Variants in PTK6 observed in about 807,000 individuals in gnomAD.
The protein encoded by PTK6 is protein-tyrosine kinase 6.
Under a neutral mutation model 47.5 loss-of-function variants are expected in PTK6, and 47 were observed. The ratio of observed to expected loss-of-function variants is 0.99; its 90% CI spans 0.78 to 1.26. PTK6 has a LOEUF of 1.26. PTK6 is among the 50% of genes most tolerant of loss of function. PTK6 has a pLI of 0.00. For synonymous variants in PTK6, 287 were observed against 276.5 expected (o/e 1.04, Z -0.38); for missense variants, 618 against 625.3 (o/e 0.99, Z 0.12).
intron 5 of PTK6, among the ~76,000 whole-genome samples, chr20:63,531,453 T>A (rs2082620051): frequency 2.5e-5 from 3 of 120,402 alleles, no homozygotes; most frequent in East Asian, 2.3e-4. Context: ...TATATATATA[T>A]ATATATATAT....
chr20:63,537,355 T>C lies in PTK6; in HGVS notation c.-41A>G, dbSNP rs773974878. 1.3e-6 allele frequency: 2 copies of C among 1,529,244 alleles called. No individual in the cohort carries two copies. The highest frequency in any genetic ancestry group is 1.4e-5 in the African/African-American group (1 of 72,936). The allele number at this position is 1,529,244 out of a possible 1,614,324, so 94.7% of individuals were successfully genotyped here. ...CGGCAGGACCAGGCTGTGGCCCAGC[T>C]GGAGCACCCAGAGCTGGGCGTGGCA... is the stretch of plus-strand genomic sequence containing the variant. On this transcript the variant is annotated 5_prime_UTR_variant, in exon 1 of 8. Transcript: ENST00000542869.
In PTK6 at chr20:63,530,048, A is replaced by G; in HGVS notation, c.1168+30T>C. The stretch of plus-strand genomic sequence containing the variant: ...CAGGACCTCCCCCACTCTGCCTCTC[A>G]TGCCCAGTCAGGGACAGTGGGGACA... On this transcript the variant is annotated intron_variant, in intron 7 of 7. Transcript: ENST00000542869. This position sits in a 1 kb window ranked among gnomAD's most constrained non-coding sequence, Gnocchi z 4.1. 1 of 1,611,592 alleles carries G rather than the reference A, an allele frequency of 6.2e-7. No homozygotes were observed. The highest frequency in any genetic ancestry group is 8.5e-7 in the Non-Finnish European group (1 of 1,178,936).
chr20:63,529,685 C>A lies in PTK6; in HGVS notation c.1207G>T (p.Gly403Cys). 1 of 1,546,382 alleles carries A rather than the reference C, an allele frequency of 6.5e-7. No individual in the cohort carries two copies. Among genetic ancestry groups the A allele is most frequent in the Non-Finnish European group, 8.7e-7 (1 of 1,145,750 alleles). Residue 403 changes from glycine (G) to cysteine (C), a missense_variant, in exon 8 of 8, where the codon GGC becomes TGC. By Grantham distance (159) the Gly-to-Cys change is radical (BLOSUM62 -3). Coordinates refer to ENST00000542869, the MANE Select transcript of PTK6 (RefSeq NM_005975.4). This position sits in a 1 kb window ranked among gnomAD's most constrained non-coding sequence, Gnocchi z 5.6. ...TCCAGAGGGCAGGGCATGCGGTAGC[C>A]GGCGTCCACCCTCAGGAAGGCCTCA... Reference protein sequence around the residue: ...NHEAFLRVDAGYRMPCPLECP... With the variant: ...NHEAFLRVDACYRMPCPLECP...
At chr20:63,534,621 G>A (rs1048289348) in intron 2 of PTK6, among the ~76,000 whole-genome samples, 6 of 152,148 alleles carry the variant, frequency 3.9e-5, no homozygotes, top group African/African-American at 1.2e-4. Flanking sequence ...TCTGCGCCCC[G>A]CACACCCCAG....
chr20:63,534,347 C>T, intron 2 of PTK6, 32 bp from the exon 3 acceptor site: 1 of 1,560,540 alleles, frequency 6.4e-7, no homozygotes, highest in Non-Finnish European at 8.7e-7. Flanking sequence ...GTGTGGCCAC[C>T]CCAACTCCGA....
rs374160715 is a variant in PTK6 at position 63,529,550 on chromosome 20, C to T, written c.1342G>A (p.Glu448Lys). ...RERLSSFTSY[E>K]NPT ...TCCACAGCAGCTCAGGTCGGGTTCT[C>T]GTAGCTGGTGAAGCTGGAGAGCCTC... The change falls in exon 8 of 8, where the codon GAG becomes AAG. Residue 448 changes from glutamate to lysine, a missense_variant. Glu to Lys is a moderately conservative substitution (Grantham distance 56). Coordinates refer to ENST00000542869, the MANE Select transcript of PTK6 (RefSeq NM_005975.4). This position sits in a 1 kb window ranked among gnomAD's most constrained non-coding sequence, Gnocchi z 5.6. The T allele has an allele frequency of 1.5e-5, 23 of 1,571,118 alleles. 2 individuals are homozygous for T. The highest frequency in any genetic ancestry group is 4.0e-5 in the African/African-American group (3 of 74,090).
chr20:63,537,316 G>A lies in PTK6; in HGVS notation c.-2C>T. Reference sequence around the variant, plus strand: ...GTGAGCCTGGTCCCGGGACACCATGGCGGGCGGGCGCAGCGGCAGGACCAG... The same window carrying A: ...GTGAGCCTGGTCCCGGGACACCATGACGGGCGGGCGCAGCGGCAGGACCAG... On this transcript the variant is annotated 5_prime_UTR_variant, in exon 1 of 8. Coordinates refer to ENST00000542869, the MANE Select transcript of PTK6 (RefSeq NM_005975.4). 1 of 1,605,162 alleles carries A rather than the reference G, an allele frequency of 6.2e-7. No individual in the cohort carries two copies. Among genetic ancestry groups the A allele is most frequent in the Non-Finnish European group, 8.5e-7 (1 of 1,176,558 alleles).
In PTK6 at chr20:63,530,006, C is replaced by T. The variant is rs776575701; in HGVS notation, c.1168+72G>A. On this transcript the variant is annotated intron_variant, in intron 7 of 7. Coordinates refer to ENST00000542869, the MANE Select transcript of PTK6 (RefSeq NM_005975.4). This position sits in a 1 kb window ranked among gnomAD's most constrained non-coding sequence, Gnocchi z 4.1. Reference sequence around the variant, plus strand: ...AGCCCGTGGGGGAGGCACCCCCCAGCGTCCCTGCCGGCTACCCAGGACCTC... The same window carrying T: ...AGCCCGTGGGGGAGGCACCCCCCAGTGTCCCTGCCGGCTACCCAGGACCTC... 19 of 1,555,664 alleles carry T rather than the reference C, an allele frequency of 1.2e-5. No homozygotes were observed. Among genetic ancestry groups the T allele is most frequent in the Admixed American group, 1.2e-4 (7 of 58,276 alleles).
In PTK6 at chr20:63,533,661, G is replaced by T; in HGVS notation, c.560C>A (p.Pro187Gln). ...PLPHWDDWERPREEFTLCRKL... is the reference protein window; with the variant it reads ...PLPHWDDWERQREEFTLCRKL... Reference sequence around the variant, plus strand: ...CCTGCAGAGCGTGAACTCCTCCCTCGGCCTCTCCCAGTCATCCCAATGGGG... The same window carrying T: ...CCTGCAGAGCGTGAACTCCTCCCTCTGCCTCTCCCAGTCATCCCAATGGGG... The change falls in exon 4 of 8, where the codon CCG becomes CAG. Residue 187 changes from proline (P) to glutamine (Q), a missense_variant. Coordinates refer to ENST00000542869, the MANE Select transcript of PTK6 (RefSeq NM_005975.4). The surrounding 1 kb of genome is among the most constrained non-coding windows in gnomAD (Gnocchi z 4.0). 7 of 1,613,624 alleles carry T rather than the reference G, an allele frequency of 4.3e-6. No homozygotes were observed. Among genetic ancestry groups the T allele is most frequent in the Non-Finnish European group, 5.9e-6 (7 of 1,179,866 alleles).
chr20:63,535,158 C>G, intron 1 of PTK6, 99 bp from the exon 2 acceptor site: 3 of 1,440,602 alleles, frequency 2.1e-6, no homozygotes, highest in Non-Finnish European at 1.8e-6. Context: ...GCCGCCCTTG[C>G]CTGCCACCTC....
In PTK6 at chr20:63,530,860, C is replaced by G; in HGVS notation, c.900G>C (p.Met300Ile). ...TGTAATTCTGCGACTCCAGGTAACA[C>G]ATGCCCTCAGCCACCTGCCAGGCGA... ...LDIAWQVAEG[M>I]CYLESQNYIH... is the part of the protein sequence containing the mutation. The change falls in exon 6 of 8, where the codon ATG becomes ATC. Residue 300 changes from methionine (M) to isoleucine (I), a missense_variant. Coordinates refer to ENST00000542869, the MANE Select transcript of PTK6 (RefSeq NM_005975.4). The surrounding 1 kb of genome is among the most constrained non-coding windows in gnomAD (Gnocchi z 4.1). 6.2e-7 allele frequency: 1 copy of G among 1,613,988 alleles called. No homozygotes were observed. The highest frequency in any genetic ancestry group is 1.3e-5 in the African/African-American group (1 of 75,036).
chr20:63,532,968 G>GA (rs1291381267), intron 4 of PTK6, among the ~76,000 whole-genome samples: 23 of 152,338 alleles, frequency 1.5e-4, no homozygotes, highest in African/African-American at 4.8e-4. Context: ...CCAGACCTCT[G>GA]CTGGGGCCCA....
In PTK6 at chr20:63,533,434, G is replaced by A. The variant is rs111495314; in HGVS notation, c.670+117C>T. On this transcript the variant is annotated intron_variant, in intron 4 of 7. Coordinates refer to ENST00000542869, the MANE Select transcript of PTK6 (RefSeq NM_005975.4). This position sits in a 1 kb window ranked among gnomAD's most constrained non-coding sequence, Gnocchi z 4.0. The stretch of plus-strand genomic sequence containing the variant: ...GTGCAATTGAAAGGGAACCACTCTC[G>A]CATGGACGCTGTGGGTGCTGCTTGG... 0.029 allele frequency: 36,272 copies of A among 1,255,386 alleles called. 6,756 individuals are homozygous for A. The African/African-American group carries it at 0.45, about 15-fold the overall frequency. The allele number at this position is 1,255,386 out of a possible 1,614,324, so 77.8% of individuals were successfully genotyped here.
Position 63,533,342 on chromosome 20 carries a change from A to G in PTK6, c.670+209T>C, listed in dbSNP as rs112809831. Among the ~76,000 whole-genome samples the G allele has an allele frequency of 0.13, 19,690 of 152,098 alleles. 4,061 individuals are homozygous for G. Among genetic ancestry groups the G allele is most frequent in the African/African-American group, 0.44 (18,273 of 41,364 alleles). ...TGGCTTCCCAAAGTGTGGGGATTAC[A>G]GATGTGAGCCACCGTGCCCGGCCTA... On this transcript the variant is annotated intron_variant, in intron 4 of 7. Coordinates refer to ENST00000542869, the MANE Select transcript of PTK6 (RefSeq NM_005975.4). This position sits in a 1 kb window ranked among gnomAD's most constrained non-coding sequence, Gnocchi z 4.0.
chr20:63,533,269 T>C lies in PTK6; in HGVS notation c.670+282A>G, dbSNP rs1377136825. On this transcript the variant is annotated intron_variant, in intron 4 of 7. Transcript: ENST00000542869. This position sits in a 1 kb window ranked among gnomAD's most constrained non-coding sequence, Gnocchi z 4.0. ...TTTTAGTAGAGACGTGGTTTCCCCATGTTGGCCAGGCTGGTCTCAAACTCC... is the reference window on the plus strand; with the variant it reads ...TTTTAGTAGAGACGTGGTTTCCCCACGTTGGCCAGGCTGGTCTCAAACTCC... 1.3e-5 allele frequency among the ~76,000 whole-genome samples: 2 copies of C among 152,148 alleles called. No individual in the cohort carries two copies. Among genetic ancestry groups the C allele is most frequent in the Non-Finnish European group, 2.9e-5 (2 of 68,024 alleles).
chr20:63,534,809 G>A, intron 2 of PTK6, 129 bp downstream of exon 2: 2 of 1,336,358 alleles, frequency 1.5e-6, no homozygotes, highest in Non-Finnish European at 2.0e-6. Flanking sequence ...CGGAGGGGAT[G>A]GGAGCTCCCT....
rs147137672 is a variant in PTK6, at chr20:63,537,189, C to T, written c.126G>A (p.Glu42=). ...GDVFHVARKE[E]QWWWATLLDE... The stretch of plus-strand genomic sequence containing the variant: ...CCAGCAGCGTGGCCCACCACCACTG[C>T]TCCTCCTTCCTGGCCACGTGGAAGA... The change falls in exon 1 of 8, where the codon GAG becomes GAA. Residue 42 remains glutamate, a synonymous_variant. Coordinates refer to ENST00000542869, the MANE Select transcript of PTK6 (RefSeq NM_005975.4). 4.0e-5 allele frequency: 64 copies of T among 1,612,246 alleles called. No individual in the cohort carries two copies. In the African/African-American group the frequency reaches 6.3e-4, roughly 16 times the overall value.
At position 63,533,429 on chromosome 20, in the gene PTK6, C is replaced by T. The variant is rs1175247365; in HGVS notation, c.670+122G>A. ...CATAGGTGCAATTGAAAGGGAACCA[C>T]TCTCGCATGGACGCTGTGGGTGCTG... On this transcript the variant is annotated intron_variant, in intron 4 of 7. Coordinates refer to ENST00000542869, the MANE Select transcript of PTK6 (RefSeq NM_005975.4). This position sits in a 1 kb window ranked among gnomAD's most constrained non-coding sequence, Gnocchi z 4.0. 2.5e-6 allele frequency: 3 copies of T among 1,219,326 alleles called. No individual in the cohort carries two copies. The highest frequency in any genetic ancestry group is 3.3e-6 in the Non-Finnish European group (3 of 900,690). The allele number at this position is 1,219,326 out of a possible 1,614,324, so 75.5% of individuals were successfully genotyped here.
chr20:63,535,764 GCC>G (rs553361888), intron 1 of PTK6, among the ~76,000 whole-genome samples: 301 of 11,250 alleles, frequency 0.027, 8 homozygotes, highest in African/African-American at 0.045. Context: ...CTGGCCTCCC[GCC>G]CCCCCCCTCA....
Sources: allele counts gnomAD v4.1 joint callset (sites outside exome capture counted in the v4.1 genomes callset), GRCh38; gene constraint gnomAD v4.1.1; non-coding constraint Gnocchi (gnomAD v3.1); transcripts MANE v1.5; gene names NCBI Gene and HGNC (gene_info 2026-07-23, HGNC 2026-07-21).